The following PBX1 variants were observed in gnomAD, a reference collection of about 807,000 sequenced individuals.
PBX1 encodes the protein pre-B-cell leukemia transcription factor 1.
In PBX1, 6 loss-of-function variants were observed where a neutral mutation model predicts 53.4. The ratio of observed to expected loss-of-function variants is 0.11; its 90% CI spans 0.06 to 0.22. PBX1 has a LOEUF of 0.22. Ranked by LOEUF, PBX1 falls within the 10% of genes least tolerant of loss-of-function variation. The probability of loss-of-function intolerance (pLI) is 1.00; values close to 1 mark genes in which losing one functional copy is unlikely to be tolerated. For synonymous variants in PBX1, 204 were observed against 212.3 expected (o/e 0.96, Z 0.34); for missense variants, 251 against 551.4 (o/e 0.46, Z 5.46).
Position 164,848,255 on chromosome 1 carries a change from C to T in PBX1, c.*1579C>T. On this transcript the variant is annotated 3_prime_UTR_variant, in exon 9 of 9. Coordinates refer to ENST00000420696, the MANE Select transcript of PBX1 (RefSeq NM_002585.4). The stretch of plus-strand genomic sequence containing the variant: ...AAGCTATTCTCAAAAGTCACCTGAG[C>T]TCACCATCTTCATAGCCAACCCTAC... 1 of 1,055,082 alleles carries T rather than the reference C, an allele frequency of 9.5e-7. No homozygotes were observed. Among genetic ancestry groups the T allele is most frequent in the Non-Finnish European group, 1.1e-6 (1 of 872,978 alleles). The allele number at this position is 1,055,082 out of a possible 1,614,324, so 65.4% of individuals were successfully genotyped here.
At chr1:164,706,243 C>G (rs1663422038) in intron 2 of PBX1, among the ~76,000 whole-genome samples, 1 of 152,192 alleles carries the variant, frequency 6.6e-6, no homozygotes, top group Non-Finnish European at 1.5e-5. Flanking sequence ...CCTCTGGAAA[C>G]TTCTGTAGGC....
intron 2 of PBX1, among the ~76,000 whole-genome samples, chr1:164,594,172 TTTAAA>T (rs1261259235): frequency 2.6e-5 from 4 of 152,214 alleles, no homozygotes; most frequent in Non-Finnish European, 5.9e-5. Context: ...AAAGACATGA[TTTAAA>T]TTCTCCTTCT....
chr1:164,699,442 G>A (rs1426937337), intron 2 of PBX1, among the ~76,000 whole-genome samples: 1 of 151,920 alleles, frequency 6.6e-6, no homozygotes, highest in Non-Finnish European at 1.5e-5. Context: ...GATCCCCAAA[G>A]TACCTCCACC....
chr1:164,700,981 A>T (rs1261427817), intron 2 of PBX1, among the ~76,000 whole-genome samples: 1 of 152,246 alleles, frequency 6.6e-6, no homozygotes, highest in African/African-American at 2.4e-5. Context: ...AAGACTAAAC[A>T]TAATCATGCC....
intron 2 of PBX1, among the ~76,000 whole-genome samples, chr1:164,778,478 T>C (rs982394963): frequency 3.9e-5 from 6 of 151,990 alleles, no homozygotes; most frequent in Non-Finnish European, 8.8e-5. Flanking sequence ...GCCCTATCTC[T>C]ACAGAAAAAG....
At chr1:164,605,055 G>C (rs1656458621) in intron 2 of PBX1, 1 of 152,084 alleles carries the variant, frequency 6.6e-6, no homozygotes. Context: ...GTTCTTGTGG[G>C]GCAGTCAAAG....
At chr1:164,581,228 ATT>A (rs1238499791) in intron 2 of PBX1, among the ~76,000 whole-genome samples, 10 of 130,670 alleles carry the variant, frequency 7.7e-5, no homozygotes, top group East Asian at 2.2e-4. Flanking sequence ...CCCGACCGCC[ATT>A]TTTTTTTTTT....
In PBX1 at chr1:164,720,859, C is replaced by T. The variant is rs1166413756; in HGVS notation, c.266-71635C>T. ...CTTATGACCTCTGTCCAAGGGAGGGCTTCCTCTGTACTGGAACTGTGGTTG... is the reference window on the plus strand; with the variant it reads ...CTTATGACCTCTGTCCAAGGGAGGGTTTCCTCTGTACTGGAACTGTGGTTG... On this transcript the variant is annotated intron_variant, in intron 2 of 8. Coordinates refer to ENST00000420696, the MANE Select transcript of PBX1 (RefSeq NM_002585.4). Among the ~76,000 whole-genome samples the T allele has an allele frequency of 2.0e-5, 3 of 152,178 alleles. No homozygotes were observed. In the East Asian group the frequency reaches 5.8e-4, roughly 29 times the overall value.
intron 2 of PBX1, among the ~76,000 whole-genome samples, chr1:164,572,959 A>G (rs1653974498): frequency 6.6e-6 from 1 of 152,098 alleles, no homozygotes; most frequent in South Asian, 2.1e-4. Flanking sequence ...AGAGAAATAA[A>G]AGTCTCGGGC....
At chr1:164,739,411 C>CA (rs1665476124) in intron 2 of PBX1, among the ~76,000 whole-genome samples, 1 of 152,132 alleles carries the variant, frequency 6.6e-6, no homozygotes, top group Non-Finnish European at 1.5e-5. Context: ...GGTTCTCTCT[C>CA]ACAGCTTGTG....
intron 8 of PBX1, among the ~76,000 whole-genome samples, chr1:164,839,634 G>A (rs947591969): frequency 6.6e-6 from 1 of 152,140 alleles, no homozygotes; most frequent in Non-Finnish European, 1.5e-5. Context: ...CCTCTCACTT[G>A]ACTTCTCAGT....
intron 2 of PBX1, among the ~76,000 whole-genome samples, chr1:164,566,761 A>G (rs1046957618): frequency 3.3e-5 from 5 of 152,202 alleles, no homozygotes; most frequent in African/African-American, 4.8e-5. Flanking sequence ...ATTGAATGCC[A>G]TTTACTAAGG....
At chr1:164,780,039 G>A (rs1215844777) in intron 2 of PBX1, among the ~76,000 whole-genome samples, 1 of 152,166 alleles carries the variant, frequency 6.6e-6, no homozygotes, top group Non-Finnish European at 1.5e-5. Flanking sequence ...ATCTTGTGGT[G>A]CTAAATGCTT....
chr1:164,870,350 TTTCTTTCTTTCG>T lies in PBX1; in HGVS notation n.258-28837_258-28826del, dbSNP rs1260389107. On this transcript the variant is annotated intron_variant and non_coding_transcript_variant, in intron 2 of 2. Transcript: ENST00000558796. ...CTTTCTTTCTTTCTTTCTTTCTTTC[TTTCTTTCTTTCG>T]AGATGAAGTCTTGCTCTGTCTCCCC... is the stretch of plus-strand genomic sequence containing the variant. Among the ~76,000 whole-genome samples the T allele has an allele frequency of 6.6e-3, 662 of 100,800 alleles. 75 individuals carry two copies. The highest frequency in any genetic ancestry group is 0.015 in the Middle Eastern group (3 of 198). 66.1% of individuals were successfully genotyped at this position (100,800 alleles called of 152,430 possible). A position where few individuals can be genotyped will look rare whatever the true frequency, so the allele number is the denominator to read the frequency against.
intron 2 of PBX1, among the ~76,000 whole-genome samples, chr1:164,686,431 A>G (rs1423664304): frequency 1.3e-5 from 1 of 75,360 alleles, no homozygotes. Flanking sequence ...AATCAAACAG[A>G]GTGAAAACAA....
At chr1:164,641,125 G>C (rs968224341) in intron 2 of PBX1, 2 of 153,090 alleles carry the variant, frequency 1.3e-5, no homozygotes, top group Admixed American at 1.3e-4. Context: ...CACACCACCT[G>C]TTCTTCCAGT....
chr1:164,679,471 G>A (rs1018237699), intron 2 of PBX1, among the ~76,000 whole-genome samples: 1 of 152,110 alleles, frequency 6.6e-6, no homozygotes, highest in African/African-American at 2.4e-5. Flanking sequence ...TTTGAAAACA[G>A]GTGATGGGAC....
intron 2 of PBX1, among the ~76,000 whole-genome samples, chr1:164,721,759 A>T (rs532989618): frequency 6.6e-6 from 1 of 152,220 alleles, no homozygotes; most frequent in South Asian, 2.1e-4. Context: ...CTGTCCAGGG[A>T]AATGGGGAAT....
chr1:164,810,080 T>G (rs1466407942), intron 5 of PBX1, among the ~76,000 whole-genome samples: 1 of 152,200 alleles, frequency 6.6e-6, no homozygotes, highest in Non-Finnish European at 1.5e-5. Context: ...TTTGAATACC[T>G]AATGGAACTT....
Sources: gnomAD v4.1 joint callset for allele counts (sites outside exome capture counted in the v4.1 genomes callset) on GRCh38, gnomAD v4.1.1 for gene constraint, MANE v1.5 for transcripts, NCBI Gene and HGNC (gene_info 2026-07-23, HGNC 2026-07-21) for gene names.